Variants in ESR2 observed in about 807,000 individuals in gnomAD.
ESR2 encodes the protein estrogen receptor 2.
ESR2 carries 36 observed loss-of-function variants against 49.6 expected under a neutral mutation model. The observed-to-expected ratio is 0.73, with a 90% CI of 0.56 to 0.96. ESR2 has a LOEUF of 0.96. Among genes scored for constraint, ESR2 ranks in the 40% least tolerant of loss-of-function variants. The probability of loss-of-function intolerance (pLI) is 0.00; values close to 1 mark genes in which losing one functional copy is unlikely to be tolerated. For synonymous variants in ESR2, 320 were observed against 266.1 expected, an observed-to-expected ratio of 1.20 and a Z score of -1.97; for missense variants, 714 against 693.0, an observed-to-expected ratio of 1.03 and a Z score of -0.34.
intron 1 of ESR2, among the ~76,000 whole-genome samples, chr14:64,286,633 C>A (rs2076789188): frequency 6.6e-6 from 1 of 152,046 alleles, no homozygotes; most frequent in South Asian, 2.1e-4. Flanking sequence ...TCCTGATCAA[C>A]ATAAACAATT....
At chr14:64,332,632 C>G (rs947360687) in intron 1 of ESR2, among the ~76,000 whole-genome samples, 1 of 151,724 alleles carries the variant, frequency 6.6e-6, no homozygotes, top group African/African-American at 2.4e-5. Flanking sequence ...AACCCCGTCT[C>G]TACTAAAAAC....
chr14:64,233,409 G>A (rs1168992406), intron 8 of ESR2, 86 bp from the exon 9 acceptor site: 2 of 1,360,186 alleles, frequency 1.5e-6, no homozygotes, highest in African/African-American at 2.9e-5. Context: ...TTTGCTCAGA[G>A]CCAGTCTACC....
At chr14:64,316,202 GGGTCTC>G (rs1418498223) in intron 1 of ESR2, among the ~76,000 whole-genome samples, 1 of 150,306 alleles carries the variant, frequency 6.7e-6, no homozygotes, top group Non-Finnish European at 1.5e-5. Flanking sequence ...TGTAGAGACA[GGGTCTC>G]ACTCTATTGC....
chr14:64,231,775 G>C lies in ESR2; in HGVS notation c.*1362C>G, dbSNP rs878951124. 2 of 152,112 alleles carry C rather than the reference G, an allele frequency of 1.3e-5. No individual in the cohort carries two copies. The highest frequency in any genetic ancestry group is 2.9e-5 in the Non-Finnish European group (2 of 68,030). 9.4% of individuals were successfully genotyped at this position (152,112 alleles called of 1,614,324 possible). On this transcript the variant is annotated 3_prime_UTR_variant, in exon 9 of 9. Transcript: ENST00000341099. ...GATTATTTAATTGCTGGCTTCCATA[G>C]TATGCTGTTACTCATTTTACATATT...
At chr14:64,331,053 G>A (rs777338144) in intron 1 of ESR2, 9 of 151,980 alleles carry the variant, frequency 5.9e-5, no homozygotes, top group Non-Finnish European at 1.2e-4. Context: ...AGAATTTAAT[G>A]TAAATAGCCT....
At chr14:64,277,687 G>C (rs945139083) in intron 3 of ESR2, among the ~76,000 whole-genome samples, 1 of 150,592 alleles carries the variant, frequency 6.6e-6, no homozygotes, top group African/African-American at 2.4e-5. Flanking sequence ...GTACCATCCT[G>C]GCCTATTTGA....
At chr14:64,264,325 T>C (rs1041682433) in intron 4 of ESR2, among the ~76,000 whole-genome samples, 4 of 152,328 alleles carry the variant, frequency 2.6e-5, no homozygotes, top group African/African-American at 9.6e-5. Flanking sequence ...GAAAGGGCTC[T>C]ATTTATTCAG....
intron 1 of ESR2, among the ~76,000 whole-genome samples, chr14:64,310,286 AAATAATAATAAT>A (rs140862502): frequency 1.2e-4 from 17 of 142,462 alleles, no homozygotes; most frequent in South Asian, 4.4e-4. Flanking sequence ...TCGTCTCAAA[AAATAATAATAAT>A]AATAATAATA....
In ESR2 at chr14:64,282,638, G is replaced by A; in HGVS notation, c.348C>T (p.Thr116=). Residue 116 remains threonine, a synonymous_variant, in exon 2 of 9, where the codon ACC becomes ACT. Coordinates refer to ENST00000341099, the MANE Select transcript of ESR2 (RefSeq NM_001437.3). ...ACTGGACTTACCTGTTTACAGGTAAGGTGTGTTCTAGCGATCTTGCTTCAC... is the reference window on the plus strand; with the variant it reads ...ACTGGACTTACCTGTTTACAGGTAAAGTGTGTTCTAGCGATCTTGCTTCAC... ...PWCEARSLEH[T]LPVNRETLKR... The A allele has an allele frequency of 6.2e-7, 1 of 1,602,944 alleles. No individual in the cohort carries two copies. The highest frequency in any genetic ancestry group is 8.5e-7 in the Non-Finnish European group (1 of 1,170,706).
chr14:64,274,957 G>A (rs997627198), intron 3 of ESR2, among the ~76,000 whole-genome samples: 3 of 152,198 alleles, frequency 2.0e-5, no homozygotes, highest in Non-Finnish European at 4.4e-5. Flanking sequence ...GGTCAAAGAA[G>A]GTGCTTGATT....
chr14:64,333,350 T>C (rs1487208045), intron 1 of ESR2, among the ~76,000 whole-genome samples: 1 of 152,196 alleles, frequency 6.6e-6, no homozygotes, highest in Non-Finnish European at 1.5e-5. Flanking sequence ...CAGACTTAAT[T>C]CTGGTTAAAG....
chr14:64,270,756 C>T (rs796903913), intron 3 of ESR2, among the ~76,000 whole-genome samples: 1 of 152,194 alleles, frequency 6.6e-6, no homozygotes, highest in Non-Finnish European at 1.5e-5. Context: ...GTGATCCACC[C>T]GCCTTGGTCT....
At chr14:64,272,057 C>T (rs924450774) in intron 3 of ESR2, among the ~76,000 whole-genome samples, 2 of 152,176 alleles carry the variant, frequency 1.3e-5, no homozygotes, top group Non-Finnish European at 2.9e-5. Context: ...TACATCCTCA[C>T]TAGCATTTGT....
Position 64,228,436 on chromosome 14 carries a change from T to A in ESR2, c.*4701A>T, listed in dbSNP as rs1012232792. 1.6e-4 allele frequency among the ~76,000 whole-genome samples: 24 copies of A among 152,216 alleles called. No homozygotes were observed. The highest frequency in any genetic ancestry group is 5.8e-4 in the African/African-American group (24 of 41,530). On this transcript the variant is annotated 3_prime_UTR_variant, in exon 9 of 9. Coordinates refer to ENST00000341099, the MANE Select transcript of ESR2 (RefSeq NM_001437.3). The stretch of plus-strand genomic sequence containing the variant: ...ACTCCCTGGAGGAAGGGAAAGCAGG[T>A]CTCAAAATCTGCTTTCACAGAGCAG...
At chr14:64,265,116 C>G (rs1014071190) in intron 4 of ESR2, among the ~76,000 whole-genome samples, 4 of 152,234 alleles carry the variant, frequency 2.6e-5, no homozygotes, top group African/African-American at 9.6e-5. Context: ...AAGCCCTTGA[C>G]AAGGAGCTCA....
intron 1 of ESR2, among the ~76,000 whole-genome samples, chr14:64,289,341 C>T (rs939838689): frequency 1.3e-5 from 2 of 151,832 alleles, no homozygotes; most frequent in Non-Finnish European, 1.5e-5. Flanking sequence ...GGAGAAACCC[C>T]GTCTCTACTA....
At chr14:64,309,744 T>G (rs1194778437) in intron 1 of ESR2, among the ~76,000 whole-genome samples, 8 of 151,346 alleles carry the variant, frequency 5.3e-5, no homozygotes, top group Non-Finnish European at 8.8e-5. Flanking sequence ...CCGAGGTGGG[T>G]GGATGGCTTG....
chr14:64,291,154 C>A (rs959873305), intron 1 of ESR2, among the ~76,000 whole-genome samples: 3 of 152,186 alleles, frequency 2.0e-5, no homozygotes, highest in Non-Finnish European at 2.9e-5. Context: ...CACAGCCAAT[C>A]CAGAAGTTAG....
chr14:64,318,537 C>CAA (rs58597271), intron 1 of ESR2, among the ~76,000 whole-genome samples: 2,744 of 32,354 alleles, frequency 0.085, 290 homozygotes, highest in Middle Eastern at 0.2. Context: ...AACTCCATCT[C>CAA]AAAAAAAAAA....
Sources: allele counts gnomAD v4.1 joint callset (sites outside exome capture counted in the v4.1 genomes callset), GRCh38; gene constraint gnomAD v4.1.1; transcripts MANE v1.5; gene names NCBI Gene and HGNC (gene_info 2026-07-23, HGNC 2026-07-21).